The following FRMD4A variants were observed in gnomAD, a reference collection of about 807,000 sequenced individuals.
FRMD4A encodes FERM domain containing 4A.
Under a neutral mutation model 129.1 loss-of-function variants are expected in FRMD4A, and 29 were observed. The observed-to-expected ratio is 0.22, with a 90% confidence interval of 0.17 to 0.31. The LOEUF is 0.31. FRMD4A is among the 10% of genes least tolerant of loss of function. The probability of loss-of-function intolerance (pLI) is 1.00; values close to 1 mark genes in which losing one functional copy is unlikely to be tolerated. For synonymous variants in FRMD4A, 634 were observed against 571.6 expected, an observed-to-expected ratio of 1.11 and a Z score of -1.56; for missense variants, 1,272 against 1,375.8, an observed-to-expected ratio of 0.92 and a Z score of 1.19.
chr10:13,939,012 T>C (rs11258735), intron 2 of FRMD4A, among the ~76,000 whole-genome samples: 15,585 of 152,162 alleles, frequency 0.1, 903 homozygotes, highest in Middle Eastern at 0.21. Context: ...ATTCCCAGAA[T>C]AGCACCATCC....
At chr10:13,835,906 G>A (rs1352911328) in intron 3 of FRMD4A, among the ~76,000 whole-genome samples, 1 of 152,146 alleles carries the variant, frequency 6.6e-6, no homozygotes, top group Non-Finnish European at 1.5e-5. Context: ...CAAAAAGGTT[G>A]GGGACCATTG....
At chr10:13,905,802 G>A (rs1428775010) in intron 2 of FRMD4A, among the ~76,000 whole-genome samples, 5 of 152,166 alleles carry the variant, frequency 3.3e-5, no homozygotes, top group East Asian at 1.9e-4. Flanking sequence ...AGTGCATTCC[G>A]TTTTTTCCGT....
rs546889472 is a variant in FRMD4A at position 13,760,559 on chromosome 10, T to C, written c.464+1088A>G. On this transcript the variant is annotated intron_variant, in intron 8 of 24. Transcript: ENST00000357447. ...AATAATAATAATAAAAAAGCAAGCA[T>C]GAGAAGTGTACATGGAGAGCAAGGA... Among the ~76,000 whole-genome samples, 144 of 151,870 alleles carry C rather than the reference T, an allele frequency of 9.5e-4. 2 individuals carry two copies. Among genetic ancestry groups the C allele is most frequent in the African/African-American group, 3.4e-3 (139 of 41,418 alleles).
intron 12 of FRMD4A, among the ~76,000 whole-genome samples, chr10:13,724,991 T>A (rs1440890860): frequency 6.6e-6 from 1 of 152,226 alleles, no homozygotes; most frequent in Non-Finnish European, 1.5e-5. Context: ...GACGTGGGGT[T>A]ACCTACTTAG....
At chr10:14,031,268 C>T (rs973865696) in intron 2 of FRMD4A, among the ~76,000 whole-genome samples, 2 of 116,384 alleles carry the variant, frequency 1.7e-5, no homozygotes, top group African/African-American at 9.1e-5. Flanking sequence ...CTTTTATAGA[C>T]ATTTTTTTTT....
At chr10:14,327,125 C>T (rs41291337) in intron 2 of FRMD4A, 4,207 of 396,626 alleles carry the variant, frequency 0.011, 31 homozygotes, top group East Asian at 0.013. Flanking sequence ...CTTGAAAAGG[C>T]CTCTGAGACA....
chr10:14,185,462 A>T (rs558995796), intron 2 of FRMD4A, among the ~76,000 whole-genome samples: 5 of 152,254 alleles, frequency 3.3e-5, no homozygotes, highest in African/African-American at 7.2e-5. Context: ...AGAAATTAGT[A>T]CAAAAAACAT....
At chr10:14,030,379 T>C (rs1833180839) in intron 2 of FRMD4A, among the ~76,000 whole-genome samples, 1 of 152,242 alleles carries the variant, frequency 6.6e-6, no homozygotes, top group Non-Finnish European at 1.5e-5. Flanking sequence ...ATAGGAACAT[T>C]ACATCATACA....
chr10:14,052,337 G>C (rs896159425), intron 2 of FRMD4A, among the ~76,000 whole-genome samples: 2 of 152,196 alleles, frequency 1.3e-5, no homozygotes, highest in Non-Finnish European at 2.9e-5. Flanking sequence ...AGCTGTATCT[G>C]TCTGCTTTGC....
intron 2 of FRMD4A, among the ~76,000 whole-genome samples, chr10:13,951,051 T>C (rs905891813): frequency 6.6e-6 from 1 of 152,068 alleles, no homozygotes; most frequent in South Asian, 2.1e-4. Context: ...AAACTAGCAA[T>C]GAGAAGGCTC....
chr10:13,846,287 C>T (rs766152576), intron 3 of FRMD4A, among the ~76,000 whole-genome samples: 4 of 152,174 alleles, frequency 2.6e-5, no homozygotes, highest in African/African-American at 7.2e-5. Context: ...CAATTACTTT[C>T]GCACCAACTA....
chr10:13,928,353 G>T (rs555361101), intron 2 of FRMD4A, among the ~76,000 whole-genome samples: 1 of 150,760 alleles, frequency 6.6e-6, no homozygotes, highest in Non-Finnish European at 1.5e-5. Context: ...AAGTAGAAGA[G>T]AAAAACAAAC....
At chr10:13,962,019 A>G (rs1322428011) in intron 2 of FRMD4A, among the ~76,000 whole-genome samples, 1 of 139,848 alleles carries the variant, frequency 7.2e-6, no homozygotes, top group African/African-American at 2.7e-5. Flanking sequence ...TATTTGTTAG[A>G]TAAATGAACA....
intron 2 of FRMD4A, among the ~76,000 whole-genome samples, chr10:14,193,114 G>T (rs1842367028): frequency 6.6e-6 from 1 of 152,098 alleles, no homozygotes; most frequent in Non-Finnish European, 1.5e-5. Context: ...TGTTTGAATG[G>T]GATTTCTGGT....
chr10:13,844,626 T>C (rs2094016779), intron 3 of FRMD4A, among the ~76,000 whole-genome samples: 1 of 152,222 alleles, frequency 6.6e-6, no homozygotes, highest in South Asian at 2.1e-4. Flanking sequence ...CTAAAAGGAC[T>C]GCATGTGATA....
chr10:14,202,830 C>T (rs1008307238), intron 2 of FRMD4A, among the ~76,000 whole-genome samples: 2 of 152,128 alleles, frequency 1.3e-5, no homozygotes, highest in African/African-American at 2.4e-5. Flanking sequence ...TGGAGTTCAG[C>T]GGTGCAATCA....
chr10:13,670,971 T>C (rs1206522800), intron 16 of FRMD4A, among the ~76,000 whole-genome samples: 1 of 152,226 alleles, frequency 6.6e-6, no homozygotes, highest in East Asian at 1.9e-4. Flanking sequence ...CAAATATTCC[T>C]GCTCAAATAT....
chr10:13,904,992 C>CAAACAAAA (rs551011444), intron 2 of FRMD4A, among the ~76,000 whole-genome samples: 1 of 109,436 alleles, frequency 9.1e-6, no homozygotes. Context: ...GACTCTATCT[C>CAAACAAAA]AAAAAAAAAA....
At chr10:14,089,623 A>C (rs1836518834) in intron 2 of FRMD4A, among the ~76,000 whole-genome samples, 1 of 27,080 alleles carries the variant, frequency 3.7e-5, no homozygotes, top group African/African-American at 1.3e-4. Context: ...TCAAGCAAAA[A>C]AAAAAACAAA....
Sources: allele counts gnomAD v4.1 joint callset (sites outside exome capture counted in the v4.1 genomes callset), GRCh38; gene constraint gnomAD v4.1.1; transcripts MANE v1.5; gene names NCBI Gene and HGNC (gene_info 2026-07-23, HGNC 2026-07-21).